MORN3: variants seen among roughly 807,000 people sequenced by gnomAD.
MORN3 encodes the protein MORN repeat containing 3.
A neutral mutation model predicts 34.7 loss-of-function variants in MORN3; 38 were observed. That is an observed-to-expected ratio of 1.10 (90% confidence interval 0.85 to 1.44). The LOEUF (loss-of-function observed/expected upper bound fraction) is 1.44. MORN3 is among the 40% of genes most tolerant of loss of function. The probability of loss-of-function intolerance (pLI) is 0.00; values close to 1 mark genes in which losing one functional copy is unlikely to be tolerated. For missense variants in MORN3, 311 were observed against 321.7 expected, an observed-to-expected ratio of 0.97 and a Z score of 0.25; for synonymous variants, 109 against 115.3, an observed-to-expected ratio of 0.95 and a Z score of 0.35.
At chr12:121,659,099 C>G (rs1893498763) in intron 2 of MORN3, 92 bp downstream of exon 2, 3 of 1,514,974 alleles carry the variant, frequency 2.0e-6, no homozygotes, top group Non-Finnish European at 2.7e-6. Context: ...TCTCTTTTCT[C>G]CCAGGCCTCT....
intron 1 of MORN3, among the ~76,000 whole-genome samples, chr12:121,665,278 C>CTTTTTTTTTTTTTTTTTTTTTT (rs767525874): frequency 2.0e-5 from 1 of 50,634 alleles, no homozygotes. Context: ...TTTTTCTTTC[C>CTTTTTTTTTTTTTTTTTTTTTT]TTTTTTTTTT....
At chr12:121,662,363 A>T (rs1282998405) in intron 1 of MORN3, among the ~76,000 whole-genome samples, 1 of 152,102 alleles carries the variant, frequency 6.6e-6, no homozygotes, top group East Asian at 1.9e-4. Context: ...GCTACTCAGT[A>T]GGTTGAGGTA....
chr12:121,653,107 C>G lies in MORN3; in HGVS notation c.616G>C (p.Ala206Pro), dbSNP rs782293129. Residue 206 changes from alanine to proline, a missense_variant, in exon 4 of 6, where the codon GCC (alanine) becomes CCC (proline). Coordinates refer to ENST00000355329, the MANE Select transcript of MORN3 (RefSeq NM_173855.5). Reference protein sequence around the residue: ...GTMIDFGRDEAPEPTQFPIPE... With the variant: ...GTMIDFGRDEPPEPTQFPIPE... ...ATGGGGAACTGAGTGGGCTCAGGGGCCTCGTCACGGCCAAAGTCGATCATC... is the reference window on the plus strand; with the variant it reads ...ATGGGGAACTGAGTGGGCTCAGGGGGCTCGTCACGGCCAAAGTCGATCATC... 9 of 1,613,558 alleles carry G rather than the reference C, an allele frequency of 5.6e-6. No individual in the cohort carries two copies. The Admixed American group carries it at 1.5e-4, about 27-fold the overall frequency.
intron 1 of MORN3, among the ~76,000 whole-genome samples, chr12:121,664,529 C>T (rs1893681143): frequency 6.6e-6 from 1 of 152,114 alleles, no homozygotes; most frequent in Non-Finnish European, 1.5e-5. Context: ...GAGGCCAAGG[C>T]GGGCGGATCA....
chr12:121,665,278 C>CTTTTTTTTTTTTTTTT (rs767525874), intron 1 of MORN3, among the ~76,000 whole-genome samples: 3 of 50,634 alleles, frequency 5.9e-5, no homozygotes, highest in Non-Finnish European at 1.0e-4. Flanking sequence ...TTTTTCTTTC[C>CTTTTTTTTTTTTTTTT]TTTTTTTTTT....
chr12:121,653,193 T>A lies in MORN3; in HGVS notation c.530A>T (p.His177Leu), dbSNP rs373454390. The stretch of plus-strand genomic sequence containing the variant: ...TTCAAACAGCTGGCCGTGGTCCAGA[T>A]GGAAGAAACGCCCCGCCCCGTTCTT... The part of the protein sequence containing the change: ...GMKNGAGRFF[H>L]LDHGQLFEGF... Residue 177 changes from histidine to leucine, a missense_variant, in exon 4 of 6, where the codon CAT becomes CTT. His to Leu is a moderately conservative substitution (Grantham distance 99). Transcript: ENST00000355329. The A allele has an allele frequency of 3.7e-5, 60 of 1,614,178 alleles. 2 individuals are homozygous for A. Among genetic ancestry groups the A allele is most frequent in the African/African-American group, 3.2e-4 (24 of 75,052 alleles).
intron 2 of MORN3, among the ~76,000 whole-genome samples, chr12:121,656,262 CCTTT>C (rs1893412756): frequency 6.6e-6 from 1 of 152,076 alleles, no homozygotes; most frequent in Non-Finnish European, 1.5e-5. Context: ...CATCTTTCTC[CCTTT>C]TTTTTCTTCC....
In MORN3 at chr12:121,659,354, G is replaced by A. The variant is rs1188072140; in HGVS notation, c.146-6C>T. On this transcript the variant is annotated splice_polypyrimidine_tract_variant and splice_region_variant and intron_variant, in intron 1 of 5. Coordinates refer to ENST00000355329, the MANE Select transcript of MORN3 (RefSeq NM_173855.5). ...CCAGACCTGTGTTCCTTTCCCTGGT[G>A]ACACACAGATGGGCAATGCTGCAGA... is the stretch of plus-strand genomic sequence containing the variant. 6.2e-7 allele frequency: 1 copy of A among 1,613,556 alleles called. No individual in the cohort carries two copies. Among genetic ancestry groups the A allele is most frequent in the South Asian group, 1.1e-5 (1 of 91,060 alleles).
intron 2 of MORN3, among the ~76,000 whole-genome samples, chr12:121,655,027 G>C (rs374312088): frequency 7.9e-5 from 12 of 152,036 alleles, no homozygotes; most frequent in African/African-American, 2.9e-4. Context: ...CACACCATGC[G>C]CCATGCAGCC....
At chr12:121,661,509 C>A (rs1416155435) in intron 1 of MORN3, among the ~76,000 whole-genome samples, 2 of 152,176 alleles carry the variant, frequency 1.3e-5, no homozygotes, top group Admixed American at 6.6e-5. Context: ...AGCTTTGTGA[C>A]CTTGACCAAG....
In MORN3 at chr12:121,650,011, G is replaced by A. The variant is rs1417032243; in HGVS notation, c.*1640C>T. 1 of 151,710 alleles carries A rather than the reference G, an allele frequency of 6.6e-6. No homozygotes were observed. The highest frequency in any genetic ancestry group is 1.5e-5 in the Non-Finnish European group (1 of 67,954). The allele number at this position is 151,710 out of a possible 1,614,324, so 9.4% of individuals were successfully genotyped here. On this transcript the variant is annotated 3_prime_UTR_variant, in exon 6 of 6. Transcript: ENST00000355329. ...TGCCAAATGTCCCCAAGAAAGAGTG[G>A]GGCTGAGGGAGGACAAAATCCTACC... is the stretch of plus-strand genomic sequence containing the variant.
chr12:121,654,784 G>A (rs1893366521), intron 2 of MORN3, among the ~76,000 whole-genome samples: 1 of 151,694 alleles, frequency 6.6e-6, no homozygotes, highest in African/African-American at 2.4e-5. Context: ...TTTTAGGAGA[G>A]ACAGGGTTTC....
At chr12:121,667,441 G>C (rs1893799428) in intron 1 of MORN3, among the ~76,000 whole-genome samples, 1 of 151,900 alleles carries the variant, frequency 6.6e-6, no homozygotes, top group Admixed American at 6.6e-5. Flanking sequence ...TTTTAGTAGA[G>C]ATGGGGTTTT....
chr12:121,666,332 A>G (rs1893754401), intron 1 of MORN3, among the ~76,000 whole-genome samples: 1 of 151,904 alleles, frequency 6.6e-6, no homozygotes, highest in African/African-American at 2.4e-5. Context: ...GTGAATCCCC[A>G]TCTCTACCAG....
intron 1 of MORN3, among the ~76,000 whole-genome samples, chr12:121,665,278 C>CTTT (rs767525874): frequency 0.021 from 1,073 of 50,690 alleles, 212 homozygotes; most frequent in Middle Eastern, 0.05. Context: ...TTTTTCTTTC[C>CTTT]TTTTTTTTTT....
chr12:121,650,124 G>T lies in MORN3; in HGVS notation c.*1527C>A, dbSNP rs1555324889. The T allele has an allele frequency of 6.6e-6, 1 of 151,996 alleles. No individual in the cohort carries two copies. Among genetic ancestry groups the T allele is most frequent in the East Asian group, 1.9e-4 (1 of 5,164 alleles). 9.4% of individuals were successfully genotyped at this position (151,996 alleles called of 1,614,324 possible). A position where few individuals can be genotyped will look rare whatever the true frequency, so the allele number is the denominator to read the frequency against. Reference sequence around the variant, plus strand: ...GTAAGTACTGTTAATGCCCCATATTGCAAGTGAGGAGACCAACAGAACAGA... The same window carrying T: ...GTAAGTACTGTTAATGCCCCATATTTCAAGTGAGGAGACCAACAGAACAGA... On this transcript the variant is annotated 3_prime_UTR_variant, in exon 6 of 6. Coordinates refer to ENST00000355329, the MANE Select transcript of MORN3 (RefSeq NM_173855.5).
chr12:121,659,689 C>T (rs536789104), intron 1 of MORN3, among the ~76,000 whole-genome samples: 6 of 151,852 alleles, frequency 4.0e-5, no homozygotes, highest in African/African-American at 1.4e-4. Context: ...TGTGCGCCAA[C>T]ACACTTAGCT....
In MORN3 at chr12:121,653,031, C is replaced by T. The variant is rs967053355; in HGVS notation, c.648+44G>A. The T allele has an allele frequency of 2.6e-6, 4 of 1,550,864 alleles. No individual in the cohort carries two copies. The African/African-American group carries it at 5.5e-5, about 21-fold the overall frequency. ...CATGGCTGGGGATGCTGGCTTCTGT[C>T]TCTGTCTGGGTGTGGCCACAGGGCC... On this transcript the variant is annotated intron_variant, in intron 4 of 5. Transcript: ENST00000355329.
chr12:121,664,908 A>G (rs1201163970), intron 1 of MORN3, among the ~76,000 whole-genome samples: 1 of 144,016 alleles, frequency 6.9e-6, no homozygotes, highest in Non-Finnish European at 1.5e-5. Context: ...GATGCTCATG[A>G]CTATGCCTTC....
Sources: gnomAD v4.1 joint callset for allele counts (sites outside exome capture counted in the v4.1 genomes callset) on GRCh38, gnomAD v4.1.1 for gene constraint, MANE v1.5 for transcripts, NCBI Gene and HGNC (gene_info 2026-07-23, HGNC 2026-07-21) for gene names.